The following PKHD1 variants were observed in gnomAD, a reference collection of about 807,000 sequenced individuals.
The protein encoded by PKHD1 is fibrocystin.
Under a neutral mutation model 412.0 loss-of-function variants are expected in PKHD1, and 291 were observed. The ratio of observed to expected loss-of-function variants is 0.71; its 90% CI spans 0.64 to 0.78. The LOEUF (loss-of-function observed/expected upper bound fraction) is 0.78. Ranked by LOEUF, PKHD1 falls within the 30% of genes least tolerant of loss-of-function variation. The pLI, the probability that PKHD1 is intolerant of heterozygous loss-of-function variation, is 0.00. For synonymous variants in PKHD1, 1,777 were observed against 1,821.5 expected (o/e 0.98, Z 0.62); for missense variants, 4,825 against 4,950.7 (o/e 0.97, Z 0.76).
rs1327898628 is a variant in PKHD1, at chr6:52,048,446, G to A, written c.2407+46C>T. The A allele has an allele frequency of 1.9e-6, 3 of 1,591,558 alleles. No individual in the cohort carries two copies. In the African/African-American group the frequency reaches 4.0e-5, roughly 21 times the overall value. On this transcript the variant is annotated intron_variant, in intron 23 of 66. Transcript: ENST00000371117. ...ATGTTGTTCCCTTGGGAATGTGAGTGAGAATATGTGAGTGAGAATTGTTGC... is the reference window on the plus strand; with the variant it reads ...ATGTTGTTCCCTTGGGAATGTGAGTAAGAATATGTGAGTGAGAATTGTTGC...
chr6:51,927,598 A>G (rs1785875974), intron 37 of PKHD1, among the ~76,000 whole-genome samples: 1 of 152,186 alleles, frequency 6.6e-6, no homozygotes, highest in Non-Finnish European at 1.5e-5. Context: ...AAGCAAAGAA[A>G]GAGGGCTGCA....
chr6:51,779,831 G>A (rs1296031144), intron 53 of PKHD1, among the ~76,000 whole-genome samples: 1 of 151,276 alleles, frequency 6.6e-6, no homozygotes, highest in Non-Finnish European at 1.5e-5. Context: ...TTTGAATAAT[G>A]CAATTTGCAT....
At chr6:51,922,684 G>A (rs780353633) in intron 37 of PKHD1, among the ~76,000 whole-genome samples, 5 of 152,286 alleles carry the variant, frequency 3.3e-5, no homozygotes, top group East Asian at 1.9e-4. Flanking sequence ...GCCTCCTTGC[G>A]TTTGATCTCA....
intron 35 of PKHD1, among the ~76,000 whole-genome samples, chr6:51,989,536 G>A (rs1489380748): frequency 6.6e-6 from 1 of 152,238 alleles, no homozygotes; most frequent in East Asian, 1.9e-4. Flanking sequence ...TCACAGAATT[G>A]AACCTGCACA....
intron 57 of PKHD1, among the ~76,000 whole-genome samples, chr6:51,749,309 T>C (rs1343716888): frequency 6.6e-6 from 1 of 152,216 alleles, no homozygotes; most frequent in Non-Finnish European, 1.5e-5. Context: ...ATTCACTGTT[T>C]CATTTTTATA....
chr6:52,073,705 A>G (rs954186554), intron 6 of PKHD1, among the ~76,000 whole-genome samples, 164 bp from the exon 7 acceptor site: 2 of 152,228 alleles, frequency 1.3e-5, no homozygotes, highest in Admixed American at 6.5e-5. Flanking sequence ...GGTCAAGGGT[A>G]TGATTTAGTG....
rs116324223 is a variant in PKHD1, at chr6:52,016,955, G to A, written c.5600+455C>T. Reference sequence around the variant, plus strand: ...TAAATCCTAGATCTACAGTAATTCCGCCTATGCAACCCTCCTTCTTTTGAA... The same window carrying A: ...TAAATCCTAGATCTACAGTAATTCCACCTATGCAACCCTCCTTCTTTTGAA... On this transcript the variant is annotated intron_variant, in intron 34 of 66. Transcript: ENST00000371117. Among the ~76,000 whole-genome samples the A allele has an allele frequency of 7.4e-3, 1,121 of 152,112 alleles. 20 individuals carry two copies. Among genetic ancestry groups the A allele is most frequent in the African/African-American group, 0.026 (1,061 of 41,476 alleles).
At chr6:51,790,491 C>T (rs1373214623) in intron 53 of PKHD1, among the ~76,000 whole-genome samples, 1 of 152,134 alleles carries the variant, frequency 6.6e-6, no homozygotes, top group African/African-American at 2.4e-5. Flanking sequence ...ATTCTCTGGT[C>T]CTTCCACTAG....
At chr6:52,008,881 A>T (rs1333585496) in intron 35 of PKHD1, among the ~76,000 whole-genome samples, 1 of 152,160 alleles carries the variant, frequency 6.6e-6, no homozygotes, top group East Asian at 1.9e-4. Flanking sequence ...ATGCACTTAA[A>T]CACTAGGTCA....
intron 37 of PKHD1, among the ~76,000 whole-genome samples, chr6:51,932,634 C>A (rs1418022463): frequency 6.6e-6 from 1 of 152,206 alleles, no homozygotes; most frequent in Non-Finnish European, 1.5e-5. Flanking sequence ...GCTACAAAAT[C>A]AATGTAGTTG....
intron 60 of PKHD1, chr6:51,721,865 G>A: frequency 6.4e-7 from 1 of 1,557,074 alleles, no homozygotes; most frequent in Admixed American, 1.9e-5. Flanking sequence ...TTCTCAATTT[G>A]AACAATTGAA....
intron 39 of PKHD1, among the ~76,000 whole-genome samples, 200 bp downstream of exon 39, chr6:51,911,599 A>G (rs561557535): frequency 6.6e-6 from 1 of 152,168 alleles, no homozygotes; most frequent in East Asian, 1.9e-4. Flanking sequence ...TCTTTTTCAC[A>G]AGGTTGTTGG....
At position 52,072,177 on chromosome 6, in the gene PKHD1, C is replaced by A; in HGVS notation, c.540G>T (p.Leu180Phe). The stretch of plus-strand genomic sequence containing the variant: ...TAACCCATTTGTCTCCTTGAGCTTC[C>A]AAGATCACTGGGCTGGATTTAAAAA... The part of the protein sequence containing the change: ...DAEYIDSPVI[L>F]EAQGDKWVTP... The change falls in exon 8 of 67, where the codon TTG (leucine) becomes TTT (phenylalanine). Residue 180 changes from leucine to phenylalanine, a missense_variant. Transcript: ENST00000371117. 1 of 1,603,230 alleles carries A rather than the reference C, an allele frequency of 6.2e-7. No homozygotes were observed. The highest frequency in any genetic ancestry group is 8.5e-7 in the Non-Finnish European group (1 of 1,170,326).
chr6:51,859,059 C>T (rs1773758263), intron 48 of PKHD1, among the ~76,000 whole-genome samples: 1 of 152,128 alleles, frequency 6.6e-6, no homozygotes, highest in Non-Finnish European at 1.5e-5. Flanking sequence ...GCTATGATTT[C>T]CTTGAAAACT....
intron 34 of PKHD1, among the ~76,000 whole-genome samples, chr6:52,016,700 C>T (rs965269400): frequency 6.6e-6 from 1 of 151,574 alleles, no homozygotes; most frequent in Non-Finnish European, 1.5e-5. Flanking sequence ...CAAAGGTAGC[C>T]ACTCTATCTA....
intron 60 of PKHD1, among the ~76,000 whole-genome samples, chr6:51,661,238 A>T (rs1772810316): frequency 6.6e-6 from 1 of 152,112 alleles, no homozygotes; most frequent in Admixed American, 6.6e-5. Context: ...AGAAATATAG[A>T]TACAGATATA....
chr6:51,849,241 T>G (rs982275064), intron 49 of PKHD1, among the ~76,000 whole-genome samples: 1 of 152,240 alleles, frequency 6.6e-6, no homozygotes, highest in Non-Finnish European at 1.5e-5. Context: ...CTCATTCCTT[T>G]TTATGGCTGC....
At chr6:51,771,714 A>T (rs1249786939) in intron 55 of PKHD1, among the ~76,000 whole-genome samples, 5 of 151,984 alleles carry the variant, frequency 3.3e-5, no homozygotes, top group Non-Finnish European at 7.4e-5. Flanking sequence ...ATTATTCTCA[A>T]ATTTTATTTC....
chr6:51,887,904 C>T (rs893209032), intron 43 of PKHD1, among the ~76,000 whole-genome samples: 2 of 152,334 alleles, frequency 1.3e-5, no homozygotes, highest in African/African-American at 4.8e-5. Flanking sequence ...ATTTGCCCAT[C>T]TTAATAACTG....
Sources: allele counts gnomAD v4.1 joint callset (sites outside exome capture counted in the v4.1 genomes callset), GRCh38; gene constraint gnomAD v4.1.1; transcripts MANE v1.5; gene names NCBI Gene and HGNC (gene_info 2026-07-23, HGNC 2026-07-21).